BRD10: variants seen among roughly 807,000 people sequenced by gnomAD.
BRD10 encodes bromodomain containing 10.
At chr9:5,965,057 A>T in the BRD10 span, among the ~76,000 whole-genome samples, 6 of 8,738 alleles carry the variant, frequency 6.9e-4, no homozygotes, top group Non-Finnish European at 1.3e-3. Flanking sequence ...AAAGTATAAT[A>T]AAAAAAAAAA....
At chr9:5,985,739 T>C in the BRD10 span, among the ~76,000 whole-genome samples, 1 of 151,814 alleles carries the variant, frequency 6.6e-6, no homozygotes, top group South Asian at 2.1e-4. Context: ...GAGCCAAGGT[T>C]GCGCCACTGC....
the BRD10 span, chr9:5,919,776 G>T: frequency 6.2e-7 from 1 of 1,613,562 alleles, no homozygotes; most frequent in African/African-American, 1.3e-5. Flanking sequence ...ACAACAATCT[G>T]AGAGAGAGAT....
the BRD10 span, chr9:5,919,828 A>G: frequency 2.5e-6 from 4 of 1,613,946 alleles, no homozygotes; most frequent in East Asian, 8.9e-5. Context: ...TATTTATGGT[A>G]TTCAAAATGG....
the BRD10 span, among the ~76,000 whole-genome samples, chr9:5,904,833 G>C: frequency 6.6e-6 from 1 of 151,630 alleles, no homozygotes; most frequent in Non-Finnish European, 1.5e-5. Flanking sequence ...GAGTGCAGTG[G>C]TATGATCTGG....
At chr9:5,895,011 T>C in the BRD10 span, among the ~76,000 whole-genome samples, 1 of 152,202 alleles carries the variant, frequency 6.6e-6, no homozygotes, top group Non-Finnish European at 1.5e-5. Context: ...GTGGGTTATC[T>C]GACATTTTCC....
the BRD10 span, among the ~76,000 whole-genome samples, chr9:5,929,766 A>C: frequency 6.6e-6 from 1 of 152,134 alleles, no homozygotes; most frequent in Non-Finnish European, 1.5e-5. Context: ...ATATATATAT[A>C]TCTAGAGAGA....
the BRD10 span, chr9:5,909,680 A>G: frequency 6.6e-6 from 1 of 152,266 alleles, no homozygotes; most frequent in East Asian, 1.9e-4. Context: ...AAGGATTTAA[A>G]TAAGTAAAAG....
At chr9:5,914,409 G>GTTTTTTTTTTTTTTTTTTTTTTT in the BRD10 span, among the ~76,000 whole-genome samples, 3 of 106,924 alleles carry the variant, frequency 2.8e-5, no homozygotes, top group Non-Finnish European at 1.8e-5. Context: ...AAATCCAGAT[G>GTTTTTTTTTTTTTTTTTTTTTTT]GTTTTTTTTT....
At chr9:6,007,732 G>T in the BRD10 span, 9 of 1,599,260 alleles carry the variant, frequency 5.6e-6, no homozygotes, top group Non-Finnish European at 7.7e-6. Context: ...CGCCGGTGGC[G>T]GCCGCTCTTC....
At chr9:5,964,335 G>A in the BRD10 span, among the ~76,000 whole-genome samples, 9 of 151,812 alleles carry the variant, frequency 5.9e-5, no homozygotes, top group East Asian at 1.7e-3. Context: ...TCAGAGAAAT[G>A]CAAATCAAAA....
chr9:5,949,647 GA>G, the BRD10 span, among the ~76,000 whole-genome samples: 6 of 152,210 alleles, frequency 3.9e-5, no homozygotes, highest in African/African-American at 1.2e-4. Context: ...CTGCATGGAA[GA>G]TTTTTTTTTG....
At chr9:5,988,709 T>C in the BRD10 span, among the ~76,000 whole-genome samples, 1 of 152,070 alleles carries the variant, frequency 6.6e-6, no homozygotes, top group South Asian at 2.1e-4. Context: ...CAATTTCTCA[T>C]ACTCCTTATG....
the BRD10 span, among the ~76,000 whole-genome samples, chr9:5,961,787 C>G: frequency 2.0e-5 from 3 of 152,184 alleles, no homozygotes; most frequent in Non-Finnish European, 4.4e-5. Flanking sequence ...TTCTGAAAAG[C>G]AGATTAAAAT....
the BRD10 span, among the ~76,000 whole-genome samples, chr9:5,908,397 T>C: frequency 6.6e-6 from 1 of 152,218 alleles, no homozygotes; most frequent in African/African-American, 2.4e-5. Context: ...AATCTAGGTA[T>C]AGCTAAGCTT....
the BRD10 span, among the ~76,000 whole-genome samples, chr9:5,999,722 T>C: frequency 6.6e-6 from 1 of 152,198 alleles, no homozygotes; most frequent in East Asian, 1.9e-4. Context: ...TTTTTGCCTT[T>C]GCACTTTTAG....
At chr9:5,910,914 A>T in the BRD10 span, among the ~76,000 whole-genome samples, 1 of 152,032 alleles carries the variant, frequency 6.6e-6, no homozygotes, top group Non-Finnish European at 1.5e-5. Flanking sequence ...TTACATCACC[A>T]CTGAGAGCTC....
At chr9:5,979,338 A>T in the BRD10 span, among the ~76,000 whole-genome samples, 1 of 152,134 alleles carries the variant, frequency 6.6e-6, no homozygotes, top group African/African-American at 2.4e-5. Flanking sequence ...ATATAGTGAG[A>T]CCTCGTCTTT....
At chr9:5,936,962 G>T in the BRD10 span, among the ~76,000 whole-genome samples, 1 of 152,126 alleles carries the variant, frequency 6.6e-6, no homozygotes, top group African/African-American at 2.4e-5. Context: ...AGGTGCGGTG[G>T]CAATCATGCC....
At chr9:5,919,734 G>A in the BRD10 span, 2,363 of 1,613,000 alleles carry the variant, frequency 1.5e-3, 3 homozygotes, top group South Asian at 1.7e-3. Flanking sequence ...TGAAAAGCAG[G>A]GAAGACAGAC....
Sources: gnomAD v4.1 joint callset for allele counts (sites outside exome capture counted in the v4.1 genomes callset) on GRCh38, gnomAD v4.1.1 for gene constraint, MANE v1.5 for transcripts, NCBI Gene and HGNC (gene_info 2026-07-23, HGNC 2026-07-21) for gene names.